RALGAPA1: variants seen among roughly 807,000 people sequenced by gnomAD.
The protein encoded by RALGAPA1 is ral GTPase-activating protein subunit alpha-1.
In RALGAPA1, 52 loss-of-function variants were observed where a neutral mutation model predicts 269.6. The ratio of observed to expected loss-of-function variants is 0.19; its 90% CI spans 0.15 to 0.24. RALGAPA1 has a LOEUF of 0.24. RALGAPA1 is among the 10% of genes least tolerant of loss of function. The pLI is 1.00. For missense variants in RALGAPA1, 1,917 were observed against 3,013.9 expected (o/e 0.64, Z 8.52); for synonymous variants, 817 against 1,008.3 (o/e 0.81, Z 3.60).
At chr14:35,681,657 A>C (rs2065454201) in intron 21 of RALGAPA1, among the ~76,000 whole-genome samples, 2 of 152,114 alleles carry the variant, frequency 1.3e-5, no homozygotes, top group Admixed American at 6.5e-5. Context: ...TAAAGCCTAC[A>C]TTTTTTTTAA....
chr14:35,715,736 A>C, intron 16 of RALGAPA1: 1 of 985,404 alleles, frequency 1.0e-6, no homozygotes, highest in Non-Finnish European at 1.2e-6. Context: ...TTCTCAAGAT[A>C]ACCAATTTAA....
intron 36 of RALGAPA1, among the ~76,000 whole-genome samples, chr14:35,597,234 C>G (rs1053197087): frequency 1.3e-5 from 2 of 152,148 alleles, no homozygotes; most frequent in Admixed American, 1.3e-4. Flanking sequence ...AACACACTAC[C>G]AAGTTGCCCT....
intron 37 of RALGAPA1, 73 bp from the exon 38 acceptor site, chr14:35,572,791 T>C (rs1231289171): frequency 8.3e-6 from 9 of 1,083,258 alleles, no homozygotes; most frequent in Admixed American, 2.9e-5. Flanking sequence ...ACATACAACA[T>C]AAAAAGGGGA....
rs752896024 is a variant in RALGAPA1 at position 35,686,596 on chromosome 14, A to T, written c.4023T>A (p.Val1341=). The T allele has an allele frequency of 6.2e-7, 1 of 1,610,484 alleles. No homozygotes were observed. Among genetic ancestry groups the T allele is most frequent in the Non-Finnish European group, 8.5e-7 (1 of 1,178,908 alleles). The stretch of plus-strand genomic sequence containing the variant: ...CTATAAACTCATCCATCAGATCAGG[A>T]ACATTAGCACTGCTGCCGCCAATAT... The part of the protein sequence containing the change: ...NSDIGGSSAN[V]PDLMDEFIAE... Residue 1341 remains valine, a synonymous_variant, in exon 19 of 42, where the codon GTT becomes GTA. Transcript: ENST00000680220.
At chr14:35,767,069 A>G (rs574237013) in intron 4 of RALGAPA1, 6 of 326,396 alleles carry the variant, frequency 1.8e-5, no homozygotes, top group East Asian at 1.8e-4. Flanking sequence ...TTGTTCATCA[A>G]TCCTTGAAAA....
intron 37 of RALGAPA1, among the ~76,000 whole-genome samples, chr14:35,592,722 C>T (rs567196300): frequency 3.9e-5 from 6 of 152,292 alleles, no homozygotes; most frequent in African/African-American, 1.4e-4. Context: ...TGATGTGATA[C>T]ACCACATTAA....
chr14:35,612,759 C>A (rs1193233939), intron 35 of RALGAPA1, among the ~76,000 whole-genome samples: 1 of 152,004 alleles, frequency 6.6e-6, no homozygotes, highest in Non-Finnish European at 1.5e-5. Context: ...AGGATGGTCT[C>A]GATCTCCTGA....
At chr14:35,570,472 G>A in intron 39 of RALGAPA1, 145 bp downstream of exon 39, 2 of 670,138 alleles carry the variant, frequency 3.0e-6, no homozygotes, top group East Asian at 3.6e-5. Flanking sequence ...ACAATCCCGG[G>A]AAACATAATG....
intron 25 of RALGAPA1, 93 bp downstream of exon 25, chr14:35,672,774 C>A: frequency 1.6e-6 from 2 of 1,217,066 alleles, no homozygotes; most frequent in South Asian, 1.9e-5. Flanking sequence ...AGTTTAACTT[C>A]TAGACCTTAA....
chr14:35,803,470 G>A (rs2077120919), intron 1 of RALGAPA1, among the ~76,000 whole-genome samples: 1 of 151,868 alleles, frequency 6.6e-6, no homozygotes, highest in Non-Finnish European at 1.5e-5. Flanking sequence ...ATTAAAAATT[G>A]ATATATAGAC....
rs1165270543 is a variant in RALGAPA1 at position 35,742,416 on chromosome 14, A to G, written c.1401T>C (p.Asn467=). ...CCATTGAAATATCATGGTCTGTGAC[A>G]TTTTCAATGCAAGGGAGGTCTGAAG... ...ITSSDLPCIE[N]VTDHDISMEE... The change falls in exon 11 of 42, where the codon AAT becomes AAC. Residue 467 remains asparagine, a synonymous_variant. Coordinates refer to ENST00000680220, the MANE Select transcript of RALGAPA1 (RefSeq NM_001346249.2). 2.5e-6 allele frequency: 4 copies of G among 1,605,682 alleles called. No individual in the cohort carries two copies. In the Admixed American group the frequency reaches 6.8e-5, roughly 27 times the overall value.
chr14:35,541,765 G>A (rs969835532), intron 41 of RALGAPA1: 21 of 456,908 alleles, frequency 4.6e-5, no homozygotes, highest in African/African-American at 2.8e-4. Flanking sequence ...GTTTTCTAGC[G>A]GAGGTTTTGG....
intron 1 of RALGAPA1, among the ~76,000 whole-genome samples, chr14:35,789,497 C>T (rs781336655): frequency 1.3e-5 from 2 of 151,922 alleles, no homozygotes; most frequent in Admixed American, 6.6e-5. Context: ...GAGGCTGAGG[C>T]AGGAGAATCA....
intron 26 of RALGAPA1, among the ~76,000 whole-genome samples, chr14:35,670,957 C>T (rs2064365862): frequency 6.6e-6 from 1 of 151,538 alleles, no homozygotes; most frequent in African/African-American, 2.4e-5. Context: ...GAGTTTGCTC[C>T]TAGGACATAT....
chr14:35,708,718 T>A (rs535945725), intron 16 of RALGAPA1, among the ~76,000 whole-genome samples: 1 of 152,222 alleles, frequency 6.6e-6, no homozygotes, highest in Admixed American at 6.5e-5. Flanking sequence ...GAAATAGAGC[T>A]ACCAATCCAG....
chr14:35,587,689 TG>T (rs1446285303), intron 37 of RALGAPA1, among the ~76,000 whole-genome samples: 2 of 117,494 alleles, frequency 1.7e-5, no homozygotes, highest in African/African-American at 6.7e-5. Context: ...GGACACAGGG[TG>T]GGGAACATTA....
intron 1 of RALGAPA1, among the ~76,000 whole-genome samples, chr14:35,779,297 G>A (rs1595527327): frequency 6.6e-6 from 1 of 152,162 alleles, no homozygotes; most frequent in East Asian, 1.9e-4. Flanking sequence ...AGGCTGAAGT[G>A]GGAGGGTTGT....
chr14:35,641,976 T>C (rs1490101528), intron 31 of RALGAPA1, among the ~76,000 whole-genome samples: 1 of 152,012 alleles, frequency 6.6e-6, no homozygotes, highest in Non-Finnish European at 1.5e-5. Context: ...TAAACAAAGG[T>C]AAATAATATA....
intron 1 of RALGAPA1, among the ~76,000 whole-genome samples, chr14:35,780,251 T>C (rs938860895): frequency 6.6e-6 from 1 of 152,118 alleles, no homozygotes. Context: ...CAGAACTGAA[T>C]TGAAGGAATA....
Sources: gnomAD v4.1 joint callset for allele counts (sites outside exome capture counted in the v4.1 genomes callset) on GRCh38, gnomAD v4.1.1 for gene constraint, MANE v1.5 for transcripts, NCBI Gene and HGNC (gene_info 2026-07-23, HGNC 2026-07-21) for gene names.